The following FEM1B variants were observed in gnomAD, a reference collection of about 807,000 sequenced individuals.
The protein encoded by FEM1B is fem-1 homolog B, also known as protein fem-1 homolog B.
FEM1B carries 10 observed loss-of-function variants against 38.6 expected under a neutral mutation model. That is an observed-to-expected ratio of 0.26 (90% CI 0.16 to 0.44). The LOEUF (loss-of-function observed/expected upper bound fraction) is 0.44, where lower values mean the gene tolerates loss of function less well. Ranked by LOEUF, FEM1B falls within the 20% of genes least tolerant of loss-of-function variation. FEM1B has a pLI of 1.00. For missense variants in FEM1B, 471 were observed against 786.7 expected (o/e 0.60, Z 4.80); for synonymous variants, 288 against 288.0 (o/e 1.00, Z 0.00).
intron 1 of FEM1B, among the ~76,000 whole-genome samples, chr15:68,283,502 T>TAAAAAAAAAAA (rs60432847): frequency 2.2e-4 from 16 of 71,978 alleles, no homozygotes; most frequent in African/African-American, 1.0e-3. Context: ...CATCTCTACC[T>TAAAAAAAAAAA]AAAAAAAAAA....
chr15:68,282,571 T>A (rs2140242507), intron 1 of FEM1B, among the ~76,000 whole-genome samples: 1 of 152,340 alleles, frequency 6.6e-6, no homozygotes, highest in Admixed American at 6.5e-5. Context: ...GTGAAAAGTT[T>A]CCATCATCTG....
Position 68,283,823 on chromosome 15 carries a change from T to A in FEM1B, c.248+5158T>A, listed in dbSNP as rs185897567. ...TTTGAACAATGATGTGTACTATGTT[T>A]CCTTACGTTTGATGCATTTTATGGT... On this transcript the variant is annotated intron_variant, in intron 1 of 1. Transcript: ENST00000306917. Among the ~76,000 whole-genome samples the A allele has an allele frequency of 2.6e-4, 39 of 152,290 alleles. No homozygotes were observed. The East Asian group carries it at 7.5e-3, about 29-fold the overall frequency.
intron 1 of FEM1B, among the ~76,000 whole-genome samples, chr15:68,287,863 T>C: frequency 6.7e-6 from 1 of 150,136 alleles, no homozygotes; most frequent in Non-Finnish European, 1.5e-5. Flanking sequence ...GAGATGAAGT[T>C]TTGCTCTGTT....
intron 1 of FEM1B, among the ~76,000 whole-genome samples, chr15:68,282,970 TG>T (rs1892743867): frequency 1.3e-5 from 2 of 152,204 alleles, no homozygotes; most frequent in African/African-American, 2.4e-5. Flanking sequence ...TGAATTCTTT[TG>T]TCATAGAATA....
rs1280151562 is a variant in FEM1B at position 68,284,586 on chromosome 15, AAT to A, written c.249-5018_249-5017del. 1.3e-5 allele frequency among the ~76,000 whole-genome samples: 2 copies of A among 152,184 alleles called. No homozygotes were observed. Among genetic ancestry groups the A allele is most frequent in the Non-Finnish European group, 2.9e-5 (2 of 68,038 alleles). The stretch of plus-strand genomic sequence containing the variant: ...GTACAATACTGTACAATGAATTTTT[AAT>A]ATGTTTACATCCATCTAGTCACTCT... On this transcript the variant is annotated intron_variant, in intron 1 of 1. Transcript: ENST00000306917. This position sits in a 1 kb window ranked among gnomAD's most constrained non-coding sequence, Gnocchi z 4.4.
rs1312490343 is a variant in FEM1B, at chr15:68,284,344, C to T, written c.249-5263C>T. On this transcript the variant is annotated intron_variant, in intron 1 of 1. Coordinates refer to ENST00000306917, the MANE Select transcript of FEM1B (RefSeq NM_015322.5). The surrounding 1 kb of genome is among the most constrained non-coding windows in gnomAD (Gnocchi z 4.4). ...TCAGCAGTGAATACAGTGCTTGGCA[C>T]TGTATTTGGTATAAATTACCAAAGT... Among the ~76,000 whole-genome samples, 1 of 151,948 alleles carries T rather than the reference C, an allele frequency of 6.6e-6. No individual in the cohort carries two copies. Among genetic ancestry groups the T allele is most frequent in the Admixed American group, 6.6e-5 (1 of 15,256 alleles).
rs1259531711 is a variant in FEM1B, at chr15:68,288,528, G to C, written c.249-1079G>C. On this transcript the variant is annotated intron_variant, in intron 1 of 1. Transcript: ENST00000306917. The surrounding 1 kb of genome is among the most constrained non-coding windows in gnomAD (Gnocchi z 4.6). ...GGTAAGAAATTTAGAAATTAAGGTTGGGGAAAAATTGACAGTAGAAAGGTG... is the reference window on the plus strand; with the variant it reads ...GGTAAGAAATTTAGAAATTAAGGTTCGGGAAAAATTGACAGTAGAAAGGTG... Among the ~76,000 whole-genome samples the C allele has an allele frequency of 6.6e-6, 1 of 152,184 alleles. No individual in the cohort carries two copies. The highest frequency in any genetic ancestry group is 1.5e-5 in the Non-Finnish European group (1 of 68,032).
chr15:68,284,370 A>T lies in FEM1B; in HGVS notation c.249-5237A>T, dbSNP rs984281492. ...TGTATTTGGTATAAATTACCAAAGT[A>T]ATTTGGTATAAATTACTTGAATTGA... On this transcript the variant is annotated intron_variant, in intron 1 of 1. Transcript: ENST00000306917. This position sits in a 1 kb window ranked among gnomAD's most constrained non-coding sequence, Gnocchi z 4.4. Among the ~76,000 whole-genome samples the T allele has an allele frequency of 2.0e-5, 3 of 147,684 alleles. No homozygotes were observed. The highest frequency in any genetic ancestry group is 6.6e-5 in the Admixed American group (1 of 15,086).
At position 68,278,746 on chromosome 15, in the gene FEM1B, T is replaced by G; in HGVS notation, c.248+81T>G. The G allele has an allele frequency of 1.3e-6, 2 of 1,514,264 alleles. No individual in the cohort carries two copies. The highest frequency in any genetic ancestry group is 1.8e-6 in the Non-Finnish European group (2 of 1,099,324). 93.8% of individuals were successfully genotyped at this position (1,514,264 alleles called of 1,614,324 possible). On this transcript the variant is annotated intron_variant, in intron 1 of 1. Coordinates refer to ENST00000306917, the MANE Select transcript of FEM1B (RefSeq NM_015322.5). This position sits in a 1 kb window ranked among gnomAD's most constrained non-coding sequence, Gnocchi z 5.7. ...GGCCCTCCCCTCCCTCACCCTCTCT[T>G]ACCCTCTCTTCATGTAGGTACTCAC...
At position 68,281,904 on chromosome 15, in the gene FEM1B, G is replaced by A. The variant is rs1892733571; in HGVS notation, c.248+3239G>A. 6.6e-6 allele frequency among the ~76,000 whole-genome samples: 1 copy of A among 152,212 alleles called. No individual in the cohort carries two copies. Among genetic ancestry groups the A allele is most frequent in the African/African-American group, 2.4e-5 (1 of 41,460 alleles). ...GCTGGGATTACAGGCTTGAGCCACTGTGCGCGGCCTCTTGTTCACATTTTT... is the reference window on the plus strand; with the variant it reads ...GCTGGGATTACAGGCTTGAGCCACTATGCGCGGCCTCTTGTTCACATTTTT... On this transcript the variant is annotated intron_variant, in intron 1 of 1. Coordinates refer to ENST00000306917, the MANE Select transcript of FEM1B (RefSeq NM_015322.5). This position sits in a 1 kb window ranked among gnomAD's most constrained non-coding sequence, Gnocchi z 5.1.
rs781435603 is a variant in FEM1B at position 68,290,670 on chromosome 15, G to T, written c.1312G>T (p.Asp438Tyr). ...AGATGCTGATGTCCACAATGCTATG[G>T]ACAATTATGAATGTAATCTCTATAC... The part of the protein sequence containing the change: ...ISDADVHNAM[D>Y]NYECNLYTFL... Residue 438 changes from aspartate to tyrosine, a missense_variant, in exon 2 of 2, where the codon GAC becomes TAC. By Grantham distance (160) the Asp-to-Tyr change is radical. Transcript: ENST00000306917. The surrounding 1 kb of genome is among the most constrained non-coding windows in gnomAD (Gnocchi z 9.7). The T allele has an allele frequency of 6.2e-7, 1 of 1,613,904 alleles. No homozygotes were observed. The highest frequency in any genetic ancestry group is 1.6e-4 in the Middle Eastern group (1 of 6,062).
Position 68,281,631 on chromosome 15 carries a change from T to G in FEM1B, c.248+2966T>G, listed in dbSNP as rs1892728182. On this transcript the variant is annotated intron_variant, in intron 1 of 1. Transcript: ENST00000306917. This position sits in a 1 kb window ranked among gnomAD's most constrained non-coding sequence, Gnocchi z 5.1. ...TATTTGAGTTCTTGTTCACTTTTTT[T>G]TTTTGAGACGGAGTCTCGCTCTGTC... is the stretch of plus-strand genomic sequence containing the variant. Among the ~76,000 whole-genome samples the G allele has an allele frequency of 6.6e-6, 1 of 152,186 alleles. No homozygotes were observed. The highest frequency in any genetic ancestry group is 1.5e-5 in the Non-Finnish European group (1 of 68,034).
chr15:68,293,100 G>C lies in FEM1B; in HGVS notation c.*1858G>C, dbSNP rs1892864452. ...GAAAATTACCAGACTTGATCCTCCT[G>C]GTATGAATCAAGGAAATACTGTACC... is the stretch of plus-strand genomic sequence containing the variant. On this transcript the variant is annotated 3_prime_UTR_variant, in exon 2 of 2. Transcript: ENST00000306917. This position sits in a 1 kb window ranked among gnomAD's most constrained non-coding sequence, Gnocchi z 5.8. 6.6e-6 allele frequency: 1 copy of C among 152,074 alleles called. No individual in the cohort carries two copies. Among genetic ancestry groups the C allele is most frequent in the Non-Finnish European group, 1.5e-5 (1 of 67,994 alleles). The allele number at this position is 152,074 out of a possible 1,614,324, so 9.4% of individuals were successfully genotyped here.
intron 1 of FEM1B, among the ~76,000 whole-genome samples, chr15:68,286,299 A>G (rs1452281106): frequency 6.6e-6 from 1 of 151,702 alleles, no homozygotes; most frequent in African/African-American, 2.4e-5. Context: ...TTGTCCTCTA[A>G]CTTTATTTTT....
intron 1 of FEM1B, among the ~76,000 whole-genome samples, chr15:68,283,560 G>A (rs1892751580): frequency 6.8e-6 from 1 of 146,230 alleles, no homozygotes; most frequent in African/African-American, 2.7e-5. Context: ...TGAGGTGGAT[G>A]GATCCCTTGA....
chr15:68,294,478 G>A lies in FEM1B; in HGVS notation c.*3236G>A, dbSNP rs2140247668. 1 of 152,214 alleles carries A rather than the reference G, an allele frequency of 6.6e-6. No homozygotes were observed. Among genetic ancestry groups the A allele is most frequent in the African/African-American group, 2.4e-5 (1 of 41,550 alleles). 9.4% of individuals were successfully genotyped at this position (152,214 alleles called of 1,614,324 possible). A position where few individuals can be genotyped will look rare whatever the true frequency, so the allele number is the denominator to read the frequency against. Reference sequence around the variant, plus strand: ...TAAATACCAACTCTGTTTGACAAATGTTTTGAAAATTAAAATTTCAAGTGA... The same window carrying A: ...TAAATACCAACTCTGTTTGACAAATATTTTGAAAATTAAAATTTCAAGTGA... On this transcript the variant is annotated 3_prime_UTR_variant, in exon 2 of 2. Transcript: ENST00000306917. The surrounding 1 kb of genome is among the most constrained non-coding windows in gnomAD (Gnocchi z 4.4).
At chr15:68,282,511 C>A (rs1275308205) in intron 1 of FEM1B, among the ~76,000 whole-genome samples, 1 of 152,076 alleles carries the variant, frequency 6.6e-6, no homozygotes. Context: ...TCAGATTGAA[C>A]CAGGTAATAG....
chr15:68,282,829 A>T (rs907820133), intron 1 of FEM1B, among the ~76,000 whole-genome samples: 2 of 152,192 alleles, frequency 1.3e-5, no homozygotes, highest in Non-Finnish European at 2.9e-5. Context: ...GATTTTATAG[A>T]TGGAGGAATG....
In FEM1B at chr15:68,289,987, G is replaced by A. The variant is rs142755987; in HGVS notation, c.629G>A (p.Arg210His). The stretch of plus-strand genomic sequence containing the variant: ...ATTGTGAAAGAGCTGATAAAATGGC[G>A]TGCTGCTATAGTAGTGAATGGCCAT... The part of the protein sequence containing the change: ...IDIVKELIKW[R>H]AAIVVNGHGM... Residue 210 changes from arginine to histidine, a missense_variant, in exon 2 of 2, where the codon CGT becomes CAT. By Grantham distance (29) the Arg-to-His change is conservative. Coordinates refer to ENST00000306917, the MANE Select transcript of FEM1B (RefSeq NM_015322.5). The surrounding 1 kb of genome is among the most constrained non-coding windows in gnomAD (Gnocchi z 6.9). 4.1e-4 allele frequency: 659 copies of A among 1,614,190 alleles called. 5 individuals are homozygous for A. The highest frequency in any genetic ancestry group is 2.3e-3 in the African/African-American group (172 of 75,060).
Sources: gnomAD v4.1 joint callset for allele counts (sites outside exome capture counted in the v4.1 genomes callset) on GRCh38, gnomAD v4.1.1 for gene constraint, Gnocchi (gnomAD v3.1) non-coding constraint, MANE v1.5 for transcripts, NCBI Gene and HGNC (gene_info 2026-07-23, HGNC 2026-07-21) for gene names.